Variants in CR2 observed in about 807,000 individuals in gnomAD.
CR2 encodes the protein complement C3d receptor 2.
Under a neutral mutation model 123.0 loss-of-function variants are expected in CR2, and 96 were observed. The observed-to-expected ratio is 0.78, with a 90% CI of 0.66 to 0.93. The LOEUF (loss-of-function observed/expected upper bound fraction) is 0.93, where lower values mean the gene tolerates loss of function less well. CR2 is among the 40% of genes least tolerant of loss of function. CR2 has a pLI of 0.00. For missense variants in CR2, 1,258 were observed against 1,361.0 expected (o/e 0.92, Z 1.19); for synonymous variants, 484 against 469.5 (o/e 1.03, Z -0.40).
chr1:207,487,577 T>C (rs1352916667), intron 19 of CR2, among the ~76,000 whole-genome samples: 1 of 152,220 alleles, frequency 6.6e-6, no homozygotes, highest in Non-Finnish European at 1.5e-5. Context: ...CTAGGTTTTT[T>C]TCTATAAAAA....
chr1:207,481,826 T>G (rs527834746), intron 18 of CR2, among the ~76,000 whole-genome samples: 1 of 152,094 alleles, frequency 6.6e-6, no homozygotes, highest in African/African-American at 2.4e-5. Context: ...GCAAATGATA[T>G]CTAGGAAAGT....
At chr1:207,463,257 C>CCT (rs1442084755) in intron 1 of CR2, among the ~76,000 whole-genome samples, 1 of 152,094 alleles carries the variant, frequency 6.6e-6, no homozygotes, top group African/African-American at 2.4e-5. Flanking sequence ...GGAGACAGTT[C>CCT]CTGGGTACAT....
At position 207,478,079 on chromosome 1, in the gene CR2, C is replaced by A; in HGVS notation, c.3088+9C>A. On this transcript the variant is annotated intron_variant, in intron 16 of 19. Transcript: ENST00000367057. ...GGCGGTTTGCAGATCCCGTAAGTAC[C>A]AAGGGCTTCACCGCCGCTTGTAACT... 1 of 1,612,498 alleles carries A rather than the reference C, an allele frequency of 6.2e-7. No individual in the cohort carries two copies. Among genetic ancestry groups the A allele is most frequent in the Non-Finnish European group, 8.5e-7 (1 of 1,179,258 alleles).
At chr1:207,476,481 G>T (rs1029586467) in intron 15 of CR2, 62 bp downstream of exon 15, 1 of 1,464,774 alleles carries the variant, frequency 6.8e-7, no homozygotes, top group Non-Finnish European at 9.4e-7. Flanking sequence ...GATATATTCA[G>T]TTGGGTACTT....
intron 16 of CR2, 58 bp from the exon 17 acceptor site, chr1:207,479,199 T>C: frequency 7.7e-7 from 1 of 1,294,608 alleles, no homozygotes; most frequent in South Asian, 1.2e-5. Context: ...AACGTGGGGC[T>C]ACATTGAATT....
At chr1:207,467,405 A>G (rs949248600) in intron 2 of CR2, among the ~76,000 whole-genome samples, 15 of 152,284 alleles carry the variant, frequency 9.9e-5, no homozygotes, top group African/African-American at 3.6e-4. Context: ...TCCCCAAGTC[A>G]TCTTCTGAGC....
At chr1:207,455,516 G>C (rs1657811598) in intron 1 of CR2, among the ~76,000 whole-genome samples, 1 of 152,176 alleles carries the variant, frequency 6.6e-6, no homozygotes, top group African/African-American at 2.4e-5. Context: ...TAACAAGCTG[G>C]GTGTCCAATT....
At chr1:207,455,482 A>AT (rs1378149684) in intron 1 of CR2, among the ~76,000 whole-genome samples, 1 of 152,210 alleles carries the variant, frequency 6.6e-6, no homozygotes, top group East Asian at 1.9e-4. Flanking sequence ...TACAGACTTG[A>AT]TTTTATGGAG....
At position 207,488,835 on chromosome 1, in the gene CR2, A is replaced by G. The variant is rs59824364; in HGVS notation, c.*19-307A>G. ...GTGACCTCTAAATCCAAACCAGTTGAGGTACAGAGTACACCTAGCTCATAA... is the reference window on the plus strand; with the variant it reads ...GTGACCTCTAAATCCAAACCAGTTGGGGTACAGAGTACACCTAGCTCATAA... On this transcript the variant is annotated intron_variant, in intron 19 of 19. Coordinates refer to ENST00000367057, the MANE Select transcript of CR2 (RefSeq NM_001006658.3). Among the ~76,000 whole-genome samples, 2,940 of 152,278 alleles carry G rather than the reference A, an allele frequency of 0.019. 262 individuals carry two copies. In the East Asian group the frequency reaches 0.27, roughly 14 times the overall value.
rs781692477 is a variant in CR2 at position 207,470,011 on chromosome 1, T to C, written c.1134T>C (p.Ala378=). 1.2e-5 allele frequency: 20 copies of C among 1,613,876 alleles called. No homozygotes were observed. In the East Asian group the frequency reaches 4.2e-4, roughly 34 times the overall value. Residue 378 remains alanine (A), a synonymous_variant, in exon 6 of 20, where the codon GCT becomes GCC. Coordinates refer to ENST00000367057, the MANE Select transcript of CR2 (RefSeq NM_001006658.3). The part of the protein sequence containing the change: ...RYTYNDTVIF[A]CMFGFTLKGS... ...CCTATAACGACACTGTGATATTTGCTTGCATGTTTGGCTTCACCTTGAAGG... is the reference window on the plus strand; with the variant it reads ...CCTATAACGACACTGTGATATTTGCCTGCATGTTTGGCTTCACCTTGAAGG...
At chr1:207,459,195 G>C (rs1392371132) in intron 1 of CR2, among the ~76,000 whole-genome samples, 1 of 152,178 alleles carries the variant, frequency 6.6e-6, no homozygotes, top group African/African-American at 2.4e-5. Context: ...TTCTTGTAGG[G>C]TTGCAGTGGC....
At chr1:207,483,101 C>T (rs1323858029) in intron 18 of CR2, among the ~76,000 whole-genome samples, 1 of 152,124 alleles carries the variant, frequency 6.6e-6, no homozygotes, top group Non-Finnish European at 1.5e-5. Context: ...AGTCTTTGTA[C>T]ATGCTAGTGT....
intron 4 of CR2, 64 bp downstream of exon 4, chr1:207,468,963 T>A: frequency 6.4e-7 from 1 of 1,553,936 alleles, no homozygotes; most frequent in East Asian, 2.2e-5. Context: ...GTGTGGACTG[T>A]GAAACCTGCA....
At chr1:207,477,704 G>C (rs1247817387) in intron 15 of CR2, among the ~76,000 whole-genome samples, 181 bp from the exon 16 acceptor site, 2 of 152,172 alleles carry the variant, frequency 1.3e-5, no homozygotes, top group Admixed American at 1.3e-4. Context: ...AGGTTATTGA[G>C]ATAGAGGGCT....
chr1:207,470,720 GT>G lies in CR2; in HGVS notation c.1226-15del, dbSNP rs1389892132. 2.5e-6 allele frequency: 4 copies of G among 1,612,740 alleles called. No homozygotes were observed. In the East Asian group the frequency reaches 8.9e-5, roughly 36 times the overall value. On this transcript the variant is annotated intron_variant, in intron 6 of 19. Coordinates refer to ENST00000367057, the MANE Select transcript of CR2 (RefSeq NM_001006658.3). The stretch of plus-strand genomic sequence containing the variant: ...TTGTTTACTTAAGCAGTTATGTTTT[GT>G]TTTTGTCCTTTCATTTAGAATGCCA...
intron 6 of CR2, among the ~76,000 whole-genome samples, 198 bp from the exon 7 acceptor site, chr1:207,470,542 A>AAACAAC (rs747380769): frequency 3.9e-5 from 6 of 152,070 alleles, no homozygotes; most frequent in African/African-American, 9.6e-5. Flanking sequence ...TCTGTGCAGA[A>AAACAAC]AACAACAACA....
chr1:207,473,935 G>C, intron 12 of CR2, 50 bp downstream of exon 12: 1 of 1,545,062 alleles, frequency 6.5e-7, no homozygotes, highest in East Asian at 2.2e-5. Context: ...CTTGTTTTGT[G>C]GATTAACTTG....
chr1:207,482,418 G>A (rs1369798386), intron 18 of CR2, among the ~76,000 whole-genome samples: 2 of 151,998 alleles, frequency 1.3e-5, no homozygotes, highest in Non-Finnish European at 2.9e-5. Context: ...GTATATACAT[G>A]CATGGCTTTT....
At chr1:207,457,968 A>G (rs915380512) in intron 1 of CR2, among the ~76,000 whole-genome samples, 14 of 151,624 alleles carry the variant, frequency 9.2e-5, no homozygotes, top group African/African-American at 3.2e-4. Flanking sequence ...CAAACTGCCT[A>G]CTTGGCATCT....
Sources: gnomAD v4.1 joint callset for allele counts (sites outside exome capture counted in the v4.1 genomes callset) on GRCh38, gnomAD v4.1.1 for gene constraint, MANE v1.5 for transcripts, NCBI Gene and HGNC (gene_info 2026-07-23, HGNC 2026-07-21) for gene names.